Variants in BTBD9 observed in about 807,000 individuals in gnomAD.
BTBD9 encodes BTB domain containing 9.
Under a neutral mutation model 64.3 loss-of-function variants are expected in BTBD9, and 49 were observed. The observed-to-expected ratio is 0.76, with a 90% CI of 0.61 to 0.97. The LOEUF (loss-of-function observed/expected upper bound fraction) is 0.97. BTBD9 is among the 50% of genes least tolerant of loss of function. The probability of loss-of-function intolerance (pLI) is 0.00; values close to 1 mark genes in which losing one functional copy is unlikely to be tolerated. For missense variants in BTBD9, 598 were observed against 762.1 expected (o/e 0.78, Z 2.53); for synonymous variants, 260 against 274.7 (o/e 0.95, Z 0.53).
intron 6 of BTBD9, among the ~76,000 whole-genome samples, chr6:38,528,166 T>C (rs544033300): frequency 6.6e-6 from 1 of 152,138 alleles, no homozygotes; most frequent in African/African-American, 2.4e-5. Context: ...CAGTGCTATT[T>C]TGTCACAGTG....
At chr6:38,216,603 G>A (rs553462268) in intron 9 of BTBD9, among the ~76,000 whole-genome samples, 2 of 152,172 alleles carry the variant, frequency 1.3e-5, no homozygotes, top group Non-Finnish European at 1.5e-5. Flanking sequence ...GACCACAGTG[G>A]TTGGCAGCTG....
chr6:38,301,583 T>C (rs1762405332), intron 7 of BTBD9, among the ~76,000 whole-genome samples: 1 of 152,234 alleles, frequency 6.6e-6, no homozygotes, highest in Non-Finnish European at 1.5e-5. Flanking sequence ...CCTGGTTTAG[T>C]CTTGGGAGAC....
intron 6 of BTBD9, among the ~76,000 whole-genome samples, chr6:38,472,838 A>T (rs1179137016): frequency 1.3e-5 from 2 of 152,232 alleles, no homozygotes; most frequent in Non-Finnish European, 2.9e-5. Context: ...CACAGAACAA[A>T]GAATATTTCT....
At chr6:38,509,859 CA>C (rs1003634045) in intron 6 of BTBD9, among the ~76,000 whole-genome samples, 1 of 152,158 alleles carries the variant, frequency 6.6e-6, no homozygotes, top group African/African-American at 2.4e-5. Context: ...CTATCCTGAT[CA>C]AAGAGCTGGC....
At chr6:38,483,936 A>G (rs970423241) in intron 6 of BTBD9, among the ~76,000 whole-genome samples, 3 of 152,190 alleles carry the variant, frequency 2.0e-5, no homozygotes, top group African/African-American at 7.2e-5. Flanking sequence ...ATGACTAGTC[A>G]GTATCACATT....
intron 7 of BTBD9, among the ~76,000 whole-genome samples, chr6:38,343,294 T>C (rs1764171329): frequency 6.6e-6 from 1 of 152,192 alleles, no homozygotes; most frequent in African/African-American, 2.4e-5. Context: ...TTACAACTAA[T>C]CCTGAGTCTC....
intron 6 of BTBD9, among the ~76,000 whole-genome samples, chr6:38,462,102 G>C (rs1770112152): frequency 6.6e-6 from 1 of 152,040 alleles, no homozygotes; most frequent in African/African-American, 2.4e-5. Context: ...CTCCCAGTTT[G>C]TAACTTATCT....
chr6:38,271,953 A>G (rs1443022423), intron 8 of BTBD9, among the ~76,000 whole-genome samples: 4 of 151,428 alleles, frequency 2.6e-5, no homozygotes, highest in African/African-American at 9.7e-5. Flanking sequence ...ATTTCTCCTA[A>G]AAGAACTACA....
chr6:38,256,512 G>C lies in BTBD9; in HGVS notation c.1459C>G (p.Leu487Val). 6.2e-7 allele frequency: 1 copy of C among 1,609,026 alleles called. No individual in the cohort carries two copies. The highest frequency in any genetic ancestry group is 8.5e-7 in the Non-Finnish European group (1 of 1,175,520). ...QPYMIGSIRL[L>V]LWDCDDRSYS... The stretch of plus-strand genomic sequence containing the variant: ...CTTCGATCATCACAATCCCAAAGTA[G>C]TAACCTGAACAAAGGGAAAAACATA... Residue 487 changes from leucine (L) to valine (V), a missense_variant, in exon 9 of 11, where the codon CTA (leucine) becomes GTA (valine). Coordinates refer to ENST00000481247, the MANE Select transcript of BTBD9 (RefSeq NM_001099272.2).
chr6:38,375,757 A>T (rs1229099328), intron 6 of BTBD9, among the ~76,000 whole-genome samples: 8 of 152,180 alleles, frequency 5.3e-5, no homozygotes, highest in Non-Finnish European at 1.0e-4. Flanking sequence ...CATACTGTGC[A>T]ACATTAATTC....
intron 6 of BTBD9, among the ~76,000 whole-genome samples, chr6:38,419,690 G>C (rs1049081405): frequency 1.3e-5 from 2 of 152,062 alleles, no homozygotes; most frequent in Non-Finnish European, 2.9e-5. Context: ...GACCAACATG[G>C]AGAAACCCCA....
intron 6 of BTBD9, among the ~76,000 whole-genome samples, chr6:38,509,069 G>A (rs1276386056): frequency 6.6e-6 from 1 of 152,174 alleles, no homozygotes; most frequent in African/African-American, 2.4e-5. Flanking sequence ...TATAGCTAAT[G>A]CACAGCCAGC....
chr6:38,231,897 G>C lies in BTBD9; in HGVS notation c.1562+24512C>G, dbSNP rs184942512. ...AAAATGCATTTCAGATGTAATCCCT[G>C]ATCCAGCCACATATTTGTGAAGAGA... On this transcript the variant is annotated intron_variant, in intron 9 of 10. Transcript: ENST00000481247. Among the ~76,000 whole-genome samples, 235 of 152,306 alleles carry C rather than the reference G, an allele frequency of 1.5e-3. 1 individual carries two copies. The highest frequency in any genetic ancestry group is 5.5e-3 in the African/African-American group (229 of 41,564).
intron 6 of BTBD9, among the ~76,000 whole-genome samples, chr6:38,357,688 CTGAG>C (rs1764784067): frequency 3.9e-5 from 2 of 51,894 alleles, no homozygotes; most frequent in Admixed American, 4.5e-4. Flanking sequence ...GGTACAACCA[CTGAG>C]ACTGTCTGGT....
intron 6 of BTBD9, among the ~76,000 whole-genome samples, chr6:38,461,202 T>C (rs1249177486): frequency 6.6e-6 from 1 of 152,234 alleles, no homozygotes; most frequent in African/African-American, 2.4e-5. Context: ...AAACTGTACG[T>C]ATTTGAGATG....
intron 7 of BTBD9, among the ~76,000 whole-genome samples, chr6:38,329,935 A>G (rs764924650): frequency 5.0e-4 from 76 of 152,300 alleles, no homozygotes; most frequent in Non-Finnish European, 2.1e-4. Context: ...CCTGGGCAAC[A>G]AGAGCAAAAT....
chr6:38,627,860 C>T lies in BTBD9; in HGVS notation c.-28+11940G>A, dbSNP rs116080910. ...GCAGCATGAGTATTAGCAGGCTTGA[C>T]AGGAGTGAGACTCATGCTGTTACTA... On this transcript the variant is annotated intron_variant, in intron 1 of 10. Transcript: ENST00000481247. Among the ~76,000 whole-genome samples, 761 of 152,222 alleles carry T rather than the reference C, an allele frequency of 5.0e-3. 5 individuals carry two copies. The highest frequency in any genetic ancestry group is 0.017 in the African/African-American group (697 of 41,524).
intron 4 of BTBD9, chr6:38,587,455 G>A: frequency 1.8e-6 from 1 of 549,596 alleles, no homozygotes; most frequent in South Asian, 1.5e-5. Flanking sequence ...GATGCAACGA[G>A]TTTTCAGGGG....
intron 4 of BTBD9, chr6:38,587,608 C>T (rs1207377975): frequency 1.0e-5 from 6 of 580,488 alleles, no homozygotes; most frequent in African/African-American, 1.9e-5. Context: ...TAATGGCCAA[C>T]GAAGACCCCT....
Sources: gnomAD v4.1 joint callset for allele counts (sites outside exome capture counted in the v4.1 genomes callset) on GRCh38, gnomAD v4.1.1 for gene constraint, MANE v1.5 for transcripts, NCBI Gene and HGNC (gene_info 2026-07-23, HGNC 2026-07-21) for gene names.